TIAM2: variants seen among roughly 807,000 people sequenced by gnomAD.
TIAM2 encodes rho guanine nucleotide exchange factor TIAM2.
TIAM2 carries 80 observed loss-of-function variants against 152.9 expected under a neutral mutation model. The ratio of observed to expected loss-of-function variants is 0.52; its 90% CI spans 0.44 to 0.63. TIAM2 has a LOEUF of 0.63. TIAM2 is among the 30% of genes least tolerant of loss of function. TIAM2 has a pLI of 0.00. For synonymous variants in TIAM2, 804 were observed against 838.0 expected, an observed-to-expected ratio of 0.96 and a Z score of 0.70; for missense variants, 1,965 against 2,120.1, an observed-to-expected ratio of 0.93 and a Z score of 1.44.
At chr6:155,131,041 C>G (rs1779434195) in intron 4 of TIAM2, among the ~76,000 whole-genome samples, 1 of 152,188 alleles carries the variant, frequency 6.6e-6, no homozygotes, top group Non-Finnish European at 1.5e-5. Flanking sequence ...CTGCACTCTT[C>G]CATGCACTCC....
At chr6:155,068,774 A>T (rs1311788941) in intron 1 of TIAM2, among the ~76,000 whole-genome samples, 1 of 151,838 alleles carries the variant, frequency 6.6e-6, no homozygotes, top group East Asian at 1.9e-4. Flanking sequence ...GCGATTGTTT[A>T]TTTTTTATTT....
At chr6:155,115,779 C>G (rs764133455) in intron 2 of TIAM2, among the ~76,000 whole-genome samples, 9 of 152,214 alleles carry the variant, frequency 5.9e-5, no homozygotes, top group Non-Finnish European at 7.3e-5. Context: ...GATTATGCAA[C>G]CTATGAGGAT....
intron 8 of TIAM2, 41 bp downstream of exon 8, chr6:155,164,641 G>A (rs777816705): frequency 6.4e-7 from 1 of 1,574,516 alleles, no homozygotes. Flanking sequence ...CATTCGGGGA[G>A]GGCTGCGGAT....
intron 1 of TIAM2, among the ~76,000 whole-genome samples, chr6:155,050,275 C>CCG (rs1777288768): frequency 6.6e-6 from 1 of 152,116 alleles, no homozygotes; most frequent in Admixed American, 6.5e-5. Flanking sequence ...ATCCACCTGC[C>CCG]TCAGCCTCCC....
intron 1 of TIAM2, among the ~76,000 whole-genome samples, chr6:155,041,319 G>A (rs1347095768): frequency 6.6e-6 from 1 of 152,190 alleles, no homozygotes; most frequent in Non-Finnish European, 1.5e-5. Flanking sequence ...TGTCTGTGGT[G>A]AATTGAAAGT....
intron 7 of TIAM2, among the ~76,000 whole-genome samples, chr6:155,161,990 C>T (rs1446473080): frequency 6.6e-6 from 1 of 152,022 alleles, no homozygotes; most frequent in Non-Finnish European, 1.5e-5. Context: ...GACAGTCTCG[C>T]TCTGTCACCC....
chr6:155,254,693 C>G (rs1783890528), intron 26 of TIAM2, 120 bp downstream of exon 26: 1 of 1,319,352 alleles, frequency 7.6e-7, no homozygotes. Context: ...GTACCTTTAT[C>G]TCCTTTTAAG....
intron 9 of TIAM2, among the ~76,000 whole-genome samples, chr6:155,165,680 C>T (rs112388053): frequency 3.3e-5 from 5 of 152,062 alleles, no homozygotes; most frequent in African/African-American, 1.2e-4. Context: ...CCCAGCTACT[C>T]GGGAAGCTGA....
intron 4 of TIAM2, 80 bp downstream of exon 4, chr6:155,130,497 T>C (rs1779422961): frequency 1.1e-5 from 15 of 1,344,598 alleles, no homozygotes; most frequent in Non-Finnish European, 1.4e-5. Flanking sequence ...GAAGCCACCA[T>C]AGAGTGTTGT....
At position 155,197,194 on chromosome 6, in the gene TIAM2, G is replaced by A. The variant is rs141252859; in HGVS notation, c.3064+13694G>A. Among the ~76,000 whole-genome samples the A allele has an allele frequency of 4.6e-3, 696 of 152,320 alleles. 2 individuals carry two copies. The highest frequency in any genetic ancestry group is 0.016 in the African/African-American group (665 of 41,574). ...TGGAAACTGCCGAATGAAAGGACAT[G>A]TGATCCTCCACATTTTAACATTTTT... is the stretch of plus-strand genomic sequence containing the variant. On this transcript the variant is annotated intron_variant, in intron 14 of 26. Coordinates refer to ENST00000682666, the MANE Select transcript of TIAM2 (RefSeq NM_012454.4).
intron 1 of TIAM2, among the ~76,000 whole-genome samples, chr6:155,062,309 G>GT (rs1257141894): frequency 1.3e-5 from 2 of 152,078 alleles, no homozygotes; most frequent in African/African-American, 4.8e-5. Context: ...TTGTGTGCAG[G>GT]TTTTTGCACA....
intron 1 of TIAM2, among the ~76,000 whole-genome samples, chr6:155,016,559 C>CATTTAAATGGTAA (rs1303006145): frequency 6.3e-5 from 7 of 110,560 alleles, no homozygotes; most frequent in Admixed American, 2.2e-4. Context: ...ATGGTATTTA[C>CATTTAAATGGTAA]ATTTAAATTT....
intron 14 of TIAM2, among the ~76,000 whole-genome samples, chr6:155,203,980 A>G (rs1221159617): frequency 6.6e-6 from 1 of 152,064 alleles, no homozygotes; most frequent in Non-Finnish European, 1.5e-5. Context: ...ACCAGGTGAC[A>G]TTTTGGAAGT....
At chr6:155,253,113 T>G in intron 24 of TIAM2, 60 bp downstream of exon 24, 1 of 1,410,710 alleles carries the variant, frequency 7.1e-7, no homozygotes, top group Non-Finnish European at 9.9e-7. Context: ...AACTGTGGAA[T>G]GTAAATTAAG....
chr6:155,197,762 T>C (rs1477847193), intron 14 of TIAM2, among the ~76,000 whole-genome samples: 1 of 151,934 alleles, frequency 6.6e-6, no homozygotes, highest in African/African-American at 2.4e-5. Flanking sequence ...AACCATCAGA[T>C]CTCGTTTGAA....
chr6:155,061,819 G>T (rs553538540), intron 1 of TIAM2, among the ~76,000 whole-genome samples: 1 of 152,258 alleles, frequency 6.6e-6, no homozygotes, highest in South Asian at 2.1e-4. Flanking sequence ...GTCTAGGATT[G>T]ATTTTTTAAA....
At chr6:155,040,592 C>T (rs1265797702) in intron 1 of TIAM2, among the ~76,000 whole-genome samples, 1 of 152,138 alleles carries the variant, frequency 6.6e-6, no homozygotes, top group Non-Finnish European at 1.5e-5. Flanking sequence ...CATCTCGGCT[C>T]ACTGCAACCT....
At chr6:155,252,692 G>A (rs538114160) in intron 23 of TIAM2, among the ~76,000 whole-genome samples, 11 of 152,300 alleles carry the variant, frequency 7.2e-5, no homozygotes, top group South Asian at 4.1e-4. Context: ...GCGTCAGGGC[G>A]TGGAAGCTTT....
At position 155,129,313 on chromosome 6, in the gene TIAM2, G is replaced by A. The variant is rs370819427; in HGVS notation, c.90G>A (p.Leu30=). The A allele has an allele frequency of 1.1e-5, 18 of 1,614,188 alleles. No homozygotes were observed. Among genetic ancestry groups the A allele is most frequent in the Non-Finnish European group, 1.5e-5 (18 of 1,180,036 alleles). ...ITGAKQIPCS[L]KIRGIHAKEE... ...GTGCTAAGCAAATTCCTTGCTCCCT[G>A]AAAATACGTGGCATTCATGCAAAAG... Residue 30 remains leucine (L), a synonymous_variant, in exon 4 of 27, where the codon CTG becomes CTA. Coordinates refer to ENST00000682666, the MANE Select transcript of TIAM2 (RefSeq NM_012454.4). This position sits in a 1 kb window ranked among gnomAD's most constrained non-coding sequence, Gnocchi z 4.8.
Sources: gnomAD v4.1 joint callset for allele counts (sites outside exome capture counted in the v4.1 genomes callset) on GRCh38, gnomAD v4.1.1 for gene constraint, Gnocchi (gnomAD v3.1) non-coding constraint, MANE v1.5 for transcripts, NCBI Gene and HGNC (gene_info 2026-07-23, HGNC 2026-07-21) for gene names.